PLEKHA7: variants seen among roughly 807,000 people sequenced by gnomAD.
PLEKHA7 encodes pleckstrin homology domain containing A7.
PLEKHA7 carries 104 observed loss-of-function variants against 170.0 expected under a neutral mutation model. That is an observed-to-expected ratio of 0.61 (90% CI 0.52 to 0.72). The LOEUF (loss-of-function observed/expected upper bound fraction) is 0.72, where lower values mean the gene tolerates loss of function less well. PLEKHA7 is among the 30% of genes least tolerant of loss of function. The pLI, the probability that PLEKHA7 is intolerant of heterozygous loss-of-function variation, is 0.00. For missense variants in PLEKHA7, 1,615 were observed against 1,671.7 expected, an observed-to-expected ratio of 0.97 and a Z score of 0.59; for synonymous variants, 648 against 660.8, an observed-to-expected ratio of 0.98 and a Z score of 0.30.
rs368953934 is a variant in PLEKHA7, at chr11:16,884,376, T to A, written c.222-13194A>T. Among the ~76,000 whole-genome samples, 29 of 152,350 alleles carry A rather than the reference T, an allele frequency of 1.9e-4. No individual in the cohort carries two copies. In the South Asian group the frequency reaches 5.6e-3, roughly 29 times the overall value. On this transcript the variant is annotated intron_variant, in intron 3 of 26. Transcript: ENST00000531066. ...GGCTGGGCACAGTGGCTCATGCCTA[T>A]AATCCCAACACTTTGGGAGGCCAAG... is the stretch of plus-strand genomic sequence containing the variant.
chr11:16,912,145 T>C (rs934994071), intron 3 of PLEKHA7, among the ~76,000 whole-genome samples: 2 of 152,212 alleles, frequency 1.3e-5, no homozygotes, highest in African/African-American at 4.8e-5. Flanking sequence ...TGATAGGGTA[T>C]GGCAGACACA....
rs530187942 is a variant in PLEKHA7 at position 16,924,184 on chromosome 11, T to C, written c.222-53002A>G. Reference sequence around the variant, plus strand: ...AGTCTTAGACCCACCCTCTCTCTGATAAGGACAGGAGGGAAACTGAAACTG... The same window carrying C: ...AGTCTTAGACCCACCCTCTCTCTGACAAGGACAGGAGGGAAACTGAAACTG... On this transcript the variant is annotated intron_variant, in intron 3 of 26. Transcript: ENST00000531066. Among the ~76,000 whole-genome samples, 33 of 152,246 alleles carry C rather than the reference T, an allele frequency of 2.2e-4. 1 individual carries two copies. The South Asian group carries it at 5.6e-3, about 26-fold the overall frequency.
intron 3 of PLEKHA7, among the ~76,000 whole-genome samples, chr11:16,971,756 CTTTT>C (rs913583119): frequency 6.6e-6 from 1 of 151,748 alleles, no homozygotes; most frequent in Non-Finnish European, 1.5e-5. Flanking sequence ...TTTTAAATAT[CTTTT>C]TTTATTTTTA....
At chr11:16,792,191 A>G (rs1847909847) in intron 19 of PLEKHA7, among the ~76,000 whole-genome samples, 1 of 152,160 alleles carries the variant, frequency 6.6e-6, no homozygotes, top group South Asian at 2.1e-4. Context: ...CCGAATCACC[A>G]ATTTCTAAAA....
intron 3 of PLEKHA7, among the ~76,000 whole-genome samples, chr11:16,980,725 C>G (rs1189054027): frequency 1.3e-5 from 2 of 152,000 alleles, no homozygotes; most frequent in African/African-American, 4.8e-5. Context: ...GAGTTGAGAC[C>G]AGCCTGGCCA....
At chr11:16,945,137 T>C (rs1216371829) in intron 3 of PLEKHA7, among the ~76,000 whole-genome samples, 1 of 152,148 alleles carries the variant, frequency 6.6e-6, no homozygotes, top group Non-Finnish European at 1.5e-5. Context: ...GGTTTCACCA[T>C]GTTGGCCAGG....
At chr11:16,876,348 TTC>T (rs1358659735) in intron 3 of PLEKHA7, among the ~76,000 whole-genome samples, 19 of 152,256 alleles carry the variant, frequency 1.2e-4, no homozygotes, top group African/African-American at 4.6e-4. Context: ...ACACAAGGGC[TTC>T]TGTTTCTCTT....
At chr11:16,831,413 G>A (rs115918050) in intron 9 of PLEKHA7, among the ~76,000 whole-genome samples, 1 of 152,330 alleles carries the variant, frequency 6.6e-6, no homozygotes, top group African/African-American at 2.4e-5. Context: ...GGGAAGGAAT[G>A]AAGCACCCCT....
chr11:16,852,701 C>T (rs1303904360), intron 6 of PLEKHA7, among the ~76,000 whole-genome samples: 1 of 152,096 alleles, frequency 6.6e-6, no homozygotes, highest in East Asian at 1.9e-4. Flanking sequence ...CTATAAAATA[C>T]CTTCATTTAT....
chr11:16,885,605 A>T (rs1415144538), intron 3 of PLEKHA7, among the ~76,000 whole-genome samples: 1 of 149,528 alleles, frequency 6.7e-6, no homozygotes, highest in African/African-American at 2.4e-5. Context: ...GATGACAAAA[A>T]TTGGCCCAGA....
intron 10 of PLEKHA7, among the ~76,000 whole-genome samples, chr11:16,823,534 G>A (rs1850406334): frequency 6.6e-6 from 1 of 152,100 alleles, no homozygotes; most frequent in Non-Finnish European, 1.5e-5. Context: ...ATTCCCTATA[G>A]CCTCCTGATC....
Position 16,816,790 on chromosome 11 carries a change from C to T in PLEKHA7, c.1866+10G>A, listed in dbSNP as rs763871026. 23 of 1,611,256 alleles carry T rather than the reference C, an allele frequency of 1.4e-5. No individual in the cohort carries two copies. Among genetic ancestry groups the T allele is most frequent in the African/African-American group, 2.7e-5 (2 of 74,864 alleles). The stretch of plus-strand genomic sequence containing the variant: ...GACCCAGCAGCCTGGCAGAGCTTCC[C>T]GAGCCTCACCTTGACAGCGTGGCCC... On this transcript the variant is annotated intron_variant, in intron 11 of 26. Coordinates refer to ENST00000531066, the MANE Select transcript of PLEKHA7 (RefSeq NM_001329630.2).
chr11:16,815,390 C>A (rs999323890), intron 12 of PLEKHA7: 1 of 152,596 alleles, frequency 6.6e-6, no homozygotes, highest in African/African-American at 2.4e-5. Context: ...CAGGACAGCA[C>A]TGATGTGACA....
intron 24 of PLEKHA7, among the ~76,000 whole-genome samples, chr11:16,785,544 A>G (rs1012364246): frequency 1.3e-5 from 2 of 152,248 alleles, no homozygotes; most frequent in Non-Finnish European, 2.9e-5. Flanking sequence ...TAGCATCGAC[A>G]TAGGCCACAG....
intron 3 of PLEKHA7, among the ~76,000 whole-genome samples, chr11:16,902,666 T>A (rs1021083790): frequency 2.0e-5 from 3 of 152,254 alleles, no homozygotes; most frequent in African/African-American, 7.2e-5. Context: ...TCTTTTAAAC[T>A]GCAAGTACCT....
intron 3 of PLEKHA7, among the ~76,000 whole-genome samples, chr11:16,973,669 G>A (rs1287528034): frequency 6.6e-6 from 1 of 152,154 alleles, no homozygotes; most frequent in African/African-American, 2.4e-5. Context: ...TGAGGGACAG[G>A]AACTTAGACT....
At chr11:16,940,507 T>C (rs974911628) in intron 3 of PLEKHA7, among the ~76,000 whole-genome samples, 9 of 151,342 alleles carry the variant, frequency 5.9e-5, no homozygotes, top group Admixed American at 6.6e-5. Flanking sequence ...CTGCTGGTCT[T>C]GAACTCCTGA....
At chr11:16,975,142 AC>A (rs1292283575) in intron 3 of PLEKHA7, 2 of 400,956 alleles carry the variant, frequency 5.0e-6, no homozygotes, top group Non-Finnish European at 7.9e-6. Context: ...AGGACACAGG[AC>A]AGTTCCACCA....
chr11:16,859,602 C>G (rs1429619644), intron 4 of PLEKHA7, among the ~76,000 whole-genome samples: 1 of 152,244 alleles, frequency 6.6e-6, no homozygotes, highest in East Asian at 1.9e-4. Context: ...CATTCTGATA[C>G]ATTTGTTTCA....
Sources: gnomAD v4.1 joint callset for allele counts (sites outside exome capture counted in the v4.1 genomes callset) on GRCh38, gnomAD v4.1.1 for gene constraint, MANE v1.5 for transcripts, NCBI Gene and HGNC (gene_info 2026-07-23, HGNC 2026-07-21) for gene names.